Variants in NSG2 observed in about 807,000 individuals in gnomAD.
NSG2 encodes the protein neuronal vesicle trafficking-associated protein 2.
Under a neutral mutation model 16.9 loss-of-function variants are expected in NSG2, and 4 were observed. The observed-to-expected ratio is 0.24, with a 90% CI of 0.12 to 0.54. The LOEUF is 0.54. NSG2 is among the 20% of genes least tolerant of loss of function. The pLI, the probability that NSG2 is intolerant of heterozygous loss-of-function variation, is 0.95. For synonymous variants in NSG2, 98 were observed against 88.7 expected (o/e 1.11, Z -0.59); for missense variants, 179 against 221.1 (o/e 0.81, Z 1.21).
At chr5:174,059,932 G>A (rs1173519965) in intron 2 of NSG2, among the ~76,000 whole-genome samples, 1 of 152,176 alleles carries the variant, frequency 6.6e-6, no homozygotes, top group Non-Finnish European at 1.5e-5. Context: ...ACATGCCCAT[G>A]TCTGAGTCAA....
At chr5:174,075,547 G>T (rs759669706) in intron 3 of NSG2, among the ~76,000 whole-genome samples, 4 of 150,128 alleles carry the variant, frequency 2.7e-5, no homozygotes, top group African/African-American at 7.6e-5. Flanking sequence ...TAAATACACT[G>T]TTTGGCCGAG....
intron 2 of NSG2, among the ~76,000 whole-genome samples, chr5:174,050,215 T>A (rs920744296): frequency 1.3e-5 from 2 of 152,196 alleles, no homozygotes; most frequent in African/African-American, 4.8e-5. Context: ...GAAGGATATT[T>A]GACCCCAATG....
chr5:174,101,587 T>C (rs1405304377), intron 3 of NSG2, among the ~76,000 whole-genome samples: 1 of 152,260 alleles, frequency 6.6e-6, no homozygotes, highest in African/African-American at 2.4e-5. Context: ...TGGCTCAGCA[T>C]CACGTTTGAA....
At chr5:174,099,178 G>A (rs938968546) in intron 3 of NSG2, among the ~76,000 whole-genome samples, 16 of 152,078 alleles carry the variant, frequency 1.1e-4, no homozygotes, top group African/African-American at 3.6e-4. Flanking sequence ...AGGATGCCTC[G>A]CAGAACTGAA....
chr5:174,066,022 T>G (rs1235319887), intron 3 of NSG2, among the ~76,000 whole-genome samples: 4 of 152,202 alleles, frequency 2.6e-5, no homozygotes, highest in Admixed American at 2.6e-4. Flanking sequence ...GGGAGAAACA[T>G]GTGGGTTTGT....
At chr5:174,055,579 G>A (rs973715059) in intron 2 of NSG2, among the ~76,000 whole-genome samples, 2 of 152,046 alleles carry the variant, frequency 1.3e-5, no homozygotes, top group Non-Finnish European at 2.9e-5. Context: ...CAGCCTGGGC[G>A]ACAGAGCGAG....
chr5:174,089,812 G>A (rs1329764733), intron 3 of NSG2, among the ~76,000 whole-genome samples: 1 of 151,940 alleles, frequency 6.6e-6, no homozygotes, highest in Non-Finnish European at 1.5e-5. Context: ...GTAGAGATGG[G>A]ATTTTGCTAT....
At chr5:174,088,719 C>A (rs1160233062) in intron 3 of NSG2, among the ~76,000 whole-genome samples, 1 of 152,174 alleles carries the variant, frequency 6.6e-6, no homozygotes, top group Non-Finnish European at 1.5e-5. Flanking sequence ...ACAATGATTT[C>A]ATTTCCTCCT....
intron 2 of NSG2, among the ~76,000 whole-genome samples, chr5:174,058,563 C>T (rs1760000051): frequency 6.6e-6 from 1 of 152,030 alleles, no homozygotes; most frequent in Admixed American, 6.6e-5. Context: ...ACTGAGAGAT[C>T]AGAAAGAGGA....
At position 174,080,527 on chromosome 5, in the gene NSG2, C is replaced by CTT. The variant is rs1554101515; in HGVS notation, c.213+16213_213+16214insTT. 2.9e-3 allele frequency among the ~76,000 whole-genome samples: 248 copies of CTT among 84,802 alleles called. 4 individuals are homozygous for CTT. Among genetic ancestry groups the CTT allele is most frequent in the African/African-American group, 9.6e-3 (172 of 17,946 alleles). 55.6% of individuals were successfully genotyped at this position (84,802 alleles called of 152,430 possible). A position where few individuals can be genotyped will look rare whatever the true frequency, so the allele number is the denominator to read the frequency against. On this transcript the variant is annotated intron_variant, in intron 3 of 4. Transcript: ENST00000303177. ...TCTTTCTTTCCCTCTTTCTTTCTTT[C>CTT]TCTCTCTCTCTCTCTCTCTCTCTTT...
intron 2 of NSG2, among the ~76,000 whole-genome samples, chr5:174,047,597 A>G (rs1247190757): frequency 6.6e-6 from 1 of 152,246 alleles, no homozygotes; most frequent in African/African-American, 2.4e-5. Flanking sequence ...GGGCACACAT[A>G]TGCAAAGCAT....
intron 2 of NSG2, among the ~76,000 whole-genome samples, chr5:174,061,272 A>G (rs1188011984): frequency 6.6e-6 from 1 of 152,232 alleles, no homozygotes; most frequent in Non-Finnish European, 1.5e-5. Context: ...ACCACTTCAT[A>G]ATCTGACAGT....
intron 2 of NSG2, among the ~76,000 whole-genome samples, chr5:174,054,024 A>T (rs1018489824): frequency 6.6e-6 from 1 of 152,220 alleles, no homozygotes; most frequent in Non-Finnish European, 1.5e-5. Flanking sequence ...AACAACTTGG[A>T]CTATTCCCTG....
intron 3 of NSG2, among the ~76,000 whole-genome samples, chr5:174,103,983 A>C (rs1192055538): frequency 9.2e-5 from 14 of 152,132 alleles, no homozygotes; most frequent in Non-Finnish European, 1.9e-4. Flanking sequence ...ACAAAAACAA[A>C]CAAATAAACA....
chr5:174,103,726 C>T (rs1260821682), intron 3 of NSG2, among the ~76,000 whole-genome samples: 1 of 152,156 alleles, frequency 6.6e-6, no homozygotes, highest in South Asian at 2.1e-4. Flanking sequence ...GCAGGTGGAT[C>T]ACCTGAGGTC....
At chr5:174,073,236 C>G (rs1236933472) in intron 3 of NSG2, among the ~76,000 whole-genome samples, 2 of 152,208 alleles carry the variant, frequency 1.3e-5, no homozygotes, top group Non-Finnish European at 2.9e-5. Context: ...TTTGCTTCTA[C>G]CAATTTTTCA....
At chr5:174,082,074 C>T (rs1365947517) in intron 3 of NSG2, among the ~76,000 whole-genome samples, 1 of 152,152 alleles carries the variant, frequency 6.6e-6, no homozygotes, top group Non-Finnish European at 1.5e-5. Context: ...GAAGAATTAA[C>T]GTACAAATAA....
At chr5:174,073,513 C>A (rs770669467) in intron 3 of NSG2, among the ~76,000 whole-genome samples, 6 of 152,202 alleles carry the variant, frequency 3.9e-5, no homozygotes, top group Non-Finnish European at 8.8e-5. Context: ...TATTTCACTT[C>A]TGGCCAGGGT....
At chr5:174,054,067 G>A (rs541897520) in intron 2 of NSG2, among the ~76,000 whole-genome samples, 30 of 152,330 alleles carry the variant, frequency 2.0e-4, no homozygotes, top group Non-Finnish European at 8.8e-5. Context: ...TCTGGCACAC[G>A]CATGTGGAAT....
Sources: allele counts gnomAD v4.1 joint callset (sites outside exome capture counted in the v4.1 genomes callset), GRCh38; gene constraint gnomAD v4.1.1; transcripts MANE v1.5; gene names NCBI Gene and HGNC (gene_info 2026-07-23, HGNC 2026-07-21).